Variants in UNC13C observed in about 807,000 individuals in gnomAD.
UNC13C encodes protein unc-13 homolog C.
In UNC13C, 174 loss-of-function variants were observed where a neutral mutation model predicts 245.4. The observed-to-expected ratio is 0.71, with a 90% confidence interval of 0.63 to 0.80. The LOEUF is 0.80. UNC13C is among the 30% of genes least tolerant of loss of function. UNC13C has a pLI of 0.00. For missense variants in UNC13C, 2,829 were observed against 2,602.9 expected, an observed-to-expected ratio of 1.09 and a Z score of -1.89; for synonymous variants, 992 against 895.1, an observed-to-expected ratio of 1.11 and a Z score of -1.93.
chr15:54,346,885 G>C (rs781631833), intron 17 of UNC13C, among the ~76,000 whole-genome samples: 1 of 152,154 alleles, frequency 6.6e-6, no homozygotes, highest in Non-Finnish European at 1.5e-5. Context: ...CCAGGCACTG[G>C]TGTAGGCTCT....
the UNC13C span, among the ~76,000 whole-genome samples, chr15:53,845,822 C>A: frequency 6.6e-6 from 1 of 152,094 alleles, no homozygotes; most frequent in East Asian, 1.9e-4. Context: ...GTGGCAGACC[C>A]AATTGACACT....
intron 13 of UNC13C, 146 bp downstream of exon 13, chr15:54,300,519 T>C: frequency 1.3e-6 from 1 of 781,532 alleles, no homozygotes; most frequent in Non-Finnish European, 2.0e-6. Context: ...GACTACTCTC[T>C]CTTACAGCTG....
At position 54,399,374 on chromosome 15, in the gene UNC13C, A is replaced by T. The variant is rs76822261; in HGVS notation, c.4847+6193A>T. Among the ~76,000 whole-genome samples, 161 of 151,888 alleles carry T rather than the reference A, an allele frequency of 1.1e-3. 2 individuals carry two copies. In the East Asian group the frequency reaches 0.029, roughly 28 times the overall value. ...AGAGAAGTTTTGCTATATGTGCCTA[A>T]AAGTAAGAAATCTTAATTATTTCTA... On this transcript the variant is annotated intron_variant, in intron 18 of 32. Transcript: ENST00000260323.
intron 4 of UNC13C, among the ~76,000 whole-genome samples, chr15:54,201,095 C>T (rs534530651): frequency 2.0e-5 from 3 of 151,938 alleles, no homozygotes; most frequent in African/African-American, 7.2e-5. Flanking sequence ...AAATATACAA[C>T]CCTCCTAGAT....
At chr15:54,060,469 CAG>C (rs753815437) in intron 2 of UNC13C, among the ~76,000 whole-genome samples, 2 of 152,164 alleles carry the variant, frequency 1.3e-5, no homozygotes, top group South Asian at 4.1e-4. Context: ...CAGGAAACAA[CAG>C]GTGCTGGAGA....
intron 30 of UNC13C, among the ~76,000 whole-genome samples, chr15:54,610,911 A>T (rs1476504923): frequency 2.0e-5 from 3 of 152,224 alleles, no homozygotes. Flanking sequence ...TATTCCATCA[A>T]TCTGACCAAT....
At chr15:54,066,175 G>T (rs1020964616) in intron 2 of UNC13C, among the ~76,000 whole-genome samples, 4 of 152,170 alleles carry the variant, frequency 2.6e-5, no homozygotes, top group African/African-American at 9.7e-5. Flanking sequence ...GTCAATAAAA[G>T]ATATGCATGG....
the UNC13C span, among the ~76,000 whole-genome samples, chr15:53,924,401 A>G: frequency 2.6e-5 from 4 of 152,128 alleles, no homozygotes; most frequent in Non-Finnish European, 4.4e-5. Flanking sequence ...CTTTTCTTTC[A>G]TGAAATTGTT....
Position 54,319,419 on chromosome 15 carries a change from T to C in UNC13C, c.4269-2520T>C, listed in dbSNP as rs551911639. On this transcript the variant is annotated intron_variant, in intron 13 of 32. Transcript: ENST00000260323. ...CTTAATACATATTAATTATAATCAA[T>C]TCAGTGTATAATAAAGTCATAACAC... Among the ~76,000 whole-genome samples, 14 of 152,022 alleles carry C rather than the reference T, an allele frequency of 9.2e-5. 1 individual carries two copies. In the East Asian group the frequency reaches 2.5e-3, roughly 27 times the overall value.
At chr15:54,133,057 G>T (rs1158091568) in intron 2 of UNC13C, among the ~76,000 whole-genome samples, 1 of 152,074 alleles carries the variant, frequency 6.6e-6, no homozygotes, top group Non-Finnish European at 1.5e-5. Context: ...GTAGGCATTA[G>T]GTATTATGAA....
At chr15:54,145,297 T>A (rs2032207094) in intron 4 of UNC13C, among the ~76,000 whole-genome samples, 1 of 152,116 alleles carries the variant, frequency 6.6e-6, no homozygotes, top group Non-Finnish European at 1.5e-5. Context: ...TACATCCACA[T>A]GTTACTTATT....
At chr15:54,630,132 G>C (rs1280865641), downstream of UNC13C, 1 of 152,168 alleles carries the variant, frequency 6.6e-6, no homozygotes, top group Non-Finnish European at 1.5e-5. Flanking sequence ...AAGCTCTGTT[G>C]CTTGTCTATG....
rs76141656 is a variant in UNC13C at position 54,214,951 on chromosome 15, C to A, written c.3072-20079C>A. On this transcript the variant is annotated intron_variant, in intron 4 of 32. Transcript: ENST00000260323. ...AATTTTAATTAAAGGGATTTTTTTT[C>A]AAAAAAATAGTGGATGCTATTATTA... Among the ~76,000 whole-genome samples the A allele has an allele frequency of 7.0e-4, 106 of 150,896 alleles. 1 individual carries two copies. In the East Asian group the frequency reaches 0.015, roughly 22 times the overall value.
chr15:54,037,587 G>A (rs547591929), intron 2 of UNC13C, among the ~76,000 whole-genome samples: 3 of 151,974 alleles, frequency 2.0e-5, no homozygotes, highest in South Asian at 4.2e-4. Context: ...TTTAAATTAC[G>A]CTAGTATCTA....
At chr15:53,908,384 T>C in the UNC13C span, among the ~76,000 whole-genome samples, 2 of 146,480 alleles carry the variant, frequency 1.4e-5, no homozygotes, top group African/African-American at 4.9e-5. Flanking sequence ...AGTTACATTA[T>C]TCCAGGGCTT....
At chr15:53,844,247 C>T in the UNC13C span, among the ~76,000 whole-genome samples, 2 of 152,108 alleles carry the variant, frequency 1.3e-5, no homozygotes, top group African/African-American at 4.8e-5. Flanking sequence ...TTTTAATATT[C>T]TTGGTGAAGT....
intron 1 of UNC13C, among the ~76,000 whole-genome samples, chr15:54,009,201 A>G (rs532539705): frequency 7.9e-5 from 12 of 152,264 alleles, no homozygotes; most frequent in African/African-American, 2.9e-4. Context: ...GATAAAAGGT[A>G]TCTTCCCTTT....
At chr15:54,560,560 C>T (rs1477495236) in intron 29 of UNC13C, among the ~76,000 whole-genome samples, 1 of 151,846 alleles carries the variant, frequency 6.6e-6, no homozygotes, top group Non-Finnish European at 1.5e-5. Flanking sequence ...TCATATATAG[C>T]TCCTTCCTAC....
upstream of UNC13C, among the ~76,000 whole-genome samples, chr15:53,973,670 T>C (rs1316535228): frequency 6.6e-6 from 1 of 152,094 alleles, no homozygotes; most frequent in Non-Finnish European, 1.5e-5. Flanking sequence ...TAGAACCTCT[T>C]TAAAAGTCCC....
Sources: allele counts gnomAD v4.1 joint callset (sites outside exome capture counted in the v4.1 genomes callset), GRCh38; gene constraint gnomAD v4.1.1; transcripts MANE v1.5; gene names NCBI Gene and HGNC (gene_info 2026-07-23, HGNC 2026-07-21).